The following ACER1 variants were observed in gnomAD, a reference collection of about 807,000 sequenced individuals.
ACER1 encodes alkaline ceramidase 1.
In ACER1, 28 loss-of-function variants were observed where a neutral mutation model predicts 24.9. The observed-to-expected ratio is 1.13, with a 90% CI of 0.83 to 1.54. ACER1 has a LOEUF of 1.54. ACER1 is among the 40% of genes most tolerant of loss of function. ACER1 has a pLI of 0.00. For missense variants in ACER1, 352 were observed against 349.3 expected (o/e 1.01, Z -0.06); for synonymous variants, 132 against 131.4 (o/e 1.00, Z -0.03).
At position 6,306,657 on chromosome 19, in the gene ACER1, C is replaced by G. The variant is rs1042055679; in HGVS notation, c.*57G>C. ...AGGTGCAAGTCCTGACCGGGGCTAT[C>G]TTCTCAAGACACAGGCAAGTTGTTG... On this transcript the variant is annotated 3_prime_UTR_variant, in exon 6 of 6. Coordinates refer to ENST00000301452, the MANE Select transcript of ACER1 (RefSeq NM_133492.3). The G allele has an allele frequency of 1.1e-5, 17 of 1,548,814 alleles. No homozygotes were observed. The highest frequency in any genetic ancestry group is 1.2e-5 in the Non-Finnish European group (14 of 1,142,732).
At chr19:6,325,056 C>T (rs2091654328) in intron 1 of ACER1, among the ~76,000 whole-genome samples, 1 of 152,144 alleles carries the variant, frequency 6.6e-6, no homozygotes, top group African/African-American at 2.4e-5. Context: ...GCCCCTCCCA[C>T]ACTGCTGACT....
chr19:6,318,139 G>C (rs895204135), intron 1 of ACER1, among the ~76,000 whole-genome samples: 1 of 151,520 alleles, frequency 6.6e-6, no homozygotes, highest in African/African-American at 2.4e-5. Flanking sequence ...GGCTAACACG[G>C]TGAAACCCCG....
At chr19:6,329,306 C>T (rs1377323363) in intron 1 of ACER1, among the ~76,000 whole-genome samples, 1 of 150,728 alleles carries the variant, frequency 6.6e-6, no homozygotes, top group Non-Finnish European at 1.5e-5. Flanking sequence ...TCTCACATAA[C>T]TCTGATTCTA....
the ACER1 span, among the ~76,000 whole-genome samples, chr19:6,356,213 A>C: frequency 1.3e-5 from 2 of 150,050 alleles, no homozygotes; most frequent in Non-Finnish European, 2.9e-5. Flanking sequence ...GTGTCCACTC[A>C]GGGTTAAATG....
At chr19:6,342,468 C>G in the ACER1 span, among the ~76,000 whole-genome samples, 1 of 151,804 alleles carries the variant, frequency 6.6e-6, no homozygotes, top group Non-Finnish European at 1.5e-5. Flanking sequence ...ACCTGTAATC[C>G]CAGCACTTTG....
chr19:6,337,661 C>CTTT (rs1192304687), upstream of ACER1, among the ~76,000 whole-genome samples: 188 of 25,908 alleles, frequency 7.3e-3, 32 homozygotes, highest in Middle Eastern at 0.036. Context: ...TTCTTTCTTT[C>CTTT]TTTTTTTTTT....
Position 6,330,451 on chromosome 19 carries a change from A to C in ACER1, c.93+3008T>G, listed in dbSNP as rs552574542. The stretch of plus-strand genomic sequence containing the variant: ...CCAAAGTGCTGGGATTACAGGCATA[A>C]GCCAGTGGTGCCCAGCCCACAGCTA... On this transcript the variant is annotated intron_variant, in intron 1 of 5. Coordinates refer to ENST00000301452, the MANE Select transcript of ACER1 (RefSeq NM_133492.3). Among the ~76,000 whole-genome samples, 32 of 150,464 alleles carry C rather than the reference A, an allele frequency of 2.1e-4. No homozygotes were observed. The South Asian group carries it at 6.5e-3, about 30-fold the overall frequency.
At position 6,312,217 on chromosome 19, in the gene ACER1, C is replaced by A; in HGVS notation, c.282G>T (p.Trp94Cys). Residue 94 changes from tryptophan to cysteine, a missense_variant, in exon 3 of 6, where the codon TGG becomes TGT. Trp to Cys is a radical substitution (Grantham distance 215). Coordinates refer to ENST00000301452, the MANE Select transcript of ACER1 (RefSeq NM_133492.3). ...GQLLDEIAIL[W>C]LLGSGYSIWM... Reference sequence around the variant, plus strand: ...ATATGCTATAGCCACTGCCCAGGAGCCACAGGATGGCGATCTCGTCCAGCA... The same window carrying A: ...ATATGCTATAGCCACTGCCCAGGAGACACAGGATGGCGATCTCGTCCAGCA... The A allele has an allele frequency of 6.2e-7, 1 of 1,614,026 alleles. No homozygotes were observed. Among genetic ancestry groups the A allele is most frequent in the Non-Finnish European group, 8.5e-7 (1 of 1,179,948 alleles).
chr19:6,330,788 G>A (rs572686749), intron 1 of ACER1, among the ~76,000 whole-genome samples: 15 of 149,880 alleles, frequency 1.0e-4, no homozygotes, highest in East Asian at 1.9e-4. Context: ...ACTGAGGACC[G>A]GGAACCATAT....
At chr19:6,336,993 T>C (rs1005627482), upstream of ACER1, among the ~76,000 whole-genome samples, 3 of 151,790 alleles carry the variant, frequency 2.0e-5, no homozygotes, top group Middle Eastern at 3.4e-3. Context: ...CTGGCCAAAA[T>C]GGTGAAACCC....
At chr19:6,340,355 GGAAGGAAGGAAGGAA>G in the ACER1 span, among the ~76,000 whole-genome samples, 50 of 105,048 alleles carry the variant, frequency 4.8e-4, no homozygotes, top group African/African-American at 1.6e-3. Context: ...AAGGAAGGAA[GGAAGGAAGGAAGGAA>G]GGAAGAAAAA....
chr19:6,350,580 G>GAAAGAAAAGA, the ACER1 span, among the ~76,000 whole-genome samples: 48,349 of 130,842 alleles, frequency 0.37, 13,425 homozygotes, highest in African/African-American at 0.77. Context: ...CAAGAAAAAA[G>GAAAGAAAAGA]AAAGAAGAGA....
the ACER1 span, among the ~76,000 whole-genome samples, chr19:6,347,873 C>G: frequency 1.3e-4 from 19 of 151,572 alleles, no homozygotes; most frequent in Non-Finnish European, 2.8e-4. Context: ...AGGTCCTTGT[C>G]CTCCATGACT....
the ACER1 span, among the ~76,000 whole-genome samples, chr19:6,352,486 GA>G: frequency 1.3e-5 from 2 of 152,174 alleles, no homozygotes; most frequent in African/African-American, 4.8e-5. Context: ...TCCAGCCCCA[GA>G]AAATCCTAGC....
At chr19:6,323,774 A>G (rs2091644873) in intron 1 of ACER1, among the ~76,000 whole-genome samples, 1 of 152,180 alleles carries the variant, frequency 6.6e-6, no homozygotes, top group Non-Finnish European at 1.5e-5. Context: ...GATATTGATA[A>G]GAAGGACAGC....
At chr19:6,312,729 G>A (rs757455470) in intron 1 of ACER1, among the ~76,000 whole-genome samples, 17 of 148,982 alleles carry the variant, frequency 1.1e-4, no homozygotes, top group Admixed American at 4.1e-4. Context: ...AGGCTGGAGC[G>A]CAGTGGTGCC....
At position 6,312,383 on chromosome 19, in the gene ACER1, A is replaced by G. The variant is rs935523970; in HGVS notation, c.208+2T>C. On this transcript the variant is annotated splice_donor_variant, in intron 2 of 5. Transcript: ENST00000301452. LOFTEE classifies it high-confidence loss of function. Reference sequence around the variant, plus strand: ...TCACAGACCTGAACCACACCTCCCTACCTATGATCATGAAGAGGACCCAGA... The same window carrying G: ...TCACAGACCTGAACCACACCTCCCTGCCTATGATCATGAAGAGGACCCAGA... 2 of 1,613,936 alleles carry G rather than the reference A, an allele frequency of 1.2e-6. No homozygotes were observed. Among genetic ancestry groups the G allele is most frequent in the African/African-American group, 1.3e-5 (1 of 75,028 alleles).
intron 1 of ACER1, among the ~76,000 whole-genome samples, chr19:6,331,153 CTTT>C (rs560393300): frequency 1.5e-5 from 2 of 134,858 alleles, no homozygotes; most frequent in Admixed American, 7.2e-5. Flanking sequence ...ACAGCAAGCA[CTTT>C]TTTTTTTTTT....
chr19:6,345,165 G>A, the ACER1 span, among the ~76,000 whole-genome samples: 8,610 of 152,192 alleles, frequency 0.057, 407 homozygotes, highest in African/African-American at 0.13. Flanking sequence ...AAAGTGCTGG[G>A]ATTACAGGCG....
Sources: gnomAD v4.1 joint callset for allele counts (sites outside exome capture counted in the v4.1 genomes callset) on GRCh38, gnomAD v4.1.1 for gene constraint, MANE v1.5 for transcripts, NCBI Gene and HGNC (gene_info 2026-07-23, HGNC 2026-07-21) for gene names.